COL22A1: variants seen among roughly 807,000 people sequenced by gnomAD.
COL22A1 encodes the protein collagen type XXII alpha 1 chain, also known as collagen alpha-1(XXII) chain.
In COL22A1, 221 loss-of-function variants were observed where a neutral mutation model predicts 248.9. The ratio of observed to expected loss-of-function variants is 0.89; its 90% CI spans 0.80 to 0.99. The LOEUF (loss-of-function observed/expected upper bound fraction) is 0.99, where lower values mean the gene tolerates loss of function less well. Ranked by LOEUF, COL22A1 falls within the 50% of genes least tolerant of loss-of-function variation. COL22A1 has a pLI of 0.00. For synonymous variants in COL22A1, 891 were observed against 793.4 expected (o/e 1.12, Z -2.07); for missense variants, 2,240 against 2,179.0 (o/e 1.03, Z -0.56).
intron 37 of COL22A1, 112 bp downstream of exon 37, chr8:138,688,805 C>T (rs1343160202): frequency 1.2e-6 from 1 of 839,914 alleles, no homozygotes; most frequent in African/African-American, 1.7e-5. Context: ...TTAGTAAACC[C>T]CTTCTGATTG....
intron 1 of COL22A1, among the ~76,000 whole-genome samples, chr8:138,907,028 T>C (rs187942843): frequency 3.6e-4 from 55 of 152,318 alleles, no homozygotes; most frequent in Admixed American, 6.5e-4. Flanking sequence ...AGGACCCGGC[T>C]ACTCTGTGGA....
intron 27 of COL22A1, among the ~76,000 whole-genome samples, chr8:138,718,120 A>AG (rs1829585198): frequency 7.2e-6 from 1 of 139,702 alleles, no homozygotes; most frequent in African/African-American, 2.5e-5. Flanking sequence ...GGAGAGAAAG[A>AG]CAAAAAAAAA....
At chr8:138,902,423 C>T (rs374629479) in intron 1 of COL22A1, among the ~76,000 whole-genome samples, 27 of 152,234 alleles carry the variant, frequency 1.8e-4, no homozygotes, top group East Asian at 7.7e-4. Context: ...CAGGCTGGGC[C>T]GCGATGGCTC....
At chr8:138,611,944 T>C (rs1818897081) in intron 56 of COL22A1, among the ~76,000 whole-genome samples, 2 of 152,364 alleles carry the variant, frequency 1.3e-5, no homozygotes, top group East Asian at 3.9e-4. Context: ...ACAAGCTGCA[T>C]GACCTAGACT....
intron 1 of COL22A1, among the ~76,000 whole-genome samples, chr8:138,902,933 T>TCGTCCACC (rs1227104430): frequency 6.6e-6 from 1 of 152,004 alleles, no homozygotes; most frequent in African/African-American, 2.4e-5. Flanking sequence ...GTTTTCATGG[T>TCGTCCACC]CGTCCACCCC....
chr8:138,899,954 A>G (rs1357982326), intron 1 of COL22A1, among the ~76,000 whole-genome samples: 1 of 152,240 alleles, frequency 6.6e-6, no homozygotes, highest in Non-Finnish European at 1.5e-5. Context: ...AGTAGACTGC[A>G]GGGTACCAGA....
chr8:138,663,875 C>T, intron 41 of COL22A1, 135 bp from the exon 42 acceptor site: 3 of 696,610 alleles, frequency 4.3e-6, no homozygotes, highest in Non-Finnish European at 7.8e-6. Context: ...CTTGAAGCCA[C>T]ACTGCCATAC....
At chr8:138,910,478 C>G (rs2132209692) in intron 1 of COL22A1, among the ~76,000 whole-genome samples, 1 of 152,296 alleles carries the variant, frequency 6.6e-6, no homozygotes, top group Non-Finnish European at 1.5e-5. Flanking sequence ...GCAGTTCCGG[C>G]AAGTCATTCC....
intron 22 of COL22A1, among the ~76,000 whole-genome samples, chr8:138,740,895 C>T (rs73445016): frequency 0.018 from 2,686 of 152,210 alleles, 76 homozygotes; most frequent in African/African-American, 0.06. Flanking sequence ...TCAAAGGTGG[C>T]CTTCCTTCCT....
At chr8:138,637,174 T>G (rs1821255047) in intron 47 of COL22A1, among the ~76,000 whole-genome samples, 2 of 152,092 alleles carry the variant, frequency 1.3e-5, no homozygotes, top group South Asian at 4.1e-4. Flanking sequence ...TAGTGTGGGA[T>G]AGGCTAGTGG....
At chr8:138,688,254 C>G (rs954330341) in intron 37 of COL22A1, among the ~76,000 whole-genome samples, 1 of 151,616 alleles carries the variant, frequency 6.6e-6, no homozygotes, top group African/African-American at 2.4e-5. Context: ...GGTTCAGTGG[C>G]TCACACCTGT....
intron 4 of COL22A1, among the ~76,000 whole-genome samples, chr8:138,835,313 C>T (rs750233219): frequency 3.3e-5 from 5 of 152,246 alleles, no homozygotes; most frequent in South Asian, 2.1e-4. Flanking sequence ...CCTAAAGATG[C>T]GAACAGTATT....
At chr8:138,677,287 G>A (rs1311903745) in intron 40 of COL22A1, among the ~76,000 whole-genome samples, 1 of 152,236 alleles carries the variant, frequency 6.6e-6, no homozygotes, top group Non-Finnish European at 1.5e-5. Context: ...CAGGACAGGA[G>A]CTGCCAGGTC....
chr8:138,617,061 C>T, intron 53 of COL22A1, 103 bp from the exon 54 acceptor site: 3 of 1,174,986 alleles, frequency 2.6e-6, no homozygotes, highest in Non-Finnish European at 3.8e-6. Context: ...TGCCCCCGCT[C>T]ATTCTTTACC....
Position 138,591,465 on chromosome 8 carries a change from C to G in COL22A1, c.4652G>C (p.Gly1551Ala), listed in dbSNP as rs371739708. 1 of 1,579,286 alleles carries G rather than the reference C, an allele frequency of 6.3e-7. No homozygotes were observed. The highest frequency in any genetic ancestry group is 1.4e-5 in the African/African-American group (1 of 73,374). The change falls in exon 64 of 65, where the codon GGA (glycine) becomes GCA (alanine). Residue 1551 changes from glycine to alanine, a missense_variant. By Grantham distance (60) the Gly-to-Ala change is moderately conservative (BLOSUM62 0). Transcript: ENST00000303045. ...RGAKGDPGAP[G>A]VGLRGEMGPP... ...TCCCATCTCGCCTCGGAGGCCAACT[C>G]CAGGTGCACCTGGGTCACCTTTGGC...
chr8:138,773,364 C>T (rs554243467), intron 16 of COL22A1, among the ~76,000 whole-genome samples: 83 of 152,330 alleles, frequency 5.4e-4, no homozygotes, highest in African/African-American at 1.9e-3. Flanking sequence ...CACTAGGAGT[C>T]TTCGGCCTCC....
chr8:138,829,235 A>G (rs531600173), intron 5 of COL22A1, among the ~76,000 whole-genome samples: 178 of 152,240 alleles, frequency 1.2e-3, no homozygotes, highest in Admixed American at 3.9e-3. Flanking sequence ...CATCACTCAT[A>G]GCACCTGGGC....
At chr8:138,684,259 GAAA>G (rs5895552) in intron 39 of COL22A1, among the ~76,000 whole-genome samples, 163 bp downstream of exon 39, 36 of 130,778 alleles carry the variant, frequency 2.8e-4, no homozygotes, top group Non-Finnish European at 4.0e-4. Flanking sequence ...GTAAGATTTC[GAAA>G]AAAAAAAAAA....
intron 31 of COL22A1, among the ~76,000 whole-genome samples, chr8:138,702,943 G>A (rs1185688614): frequency 1.3e-5 from 2 of 152,126 alleles, no homozygotes; most frequent in Non-Finnish European, 2.9e-5. Context: ...ACCCTAACAC[G>A]TATAGAGGGC....
Sources: allele counts gnomAD v4.1 joint callset (sites outside exome capture counted in the v4.1 genomes callset), GRCh38; gene constraint gnomAD v4.1.1; transcripts MANE v1.5; gene names NCBI Gene and HGNC (gene_info 2026-07-23, HGNC 2026-07-21).